Variants in PNPLA7 observed in about 807,000 individuals in gnomAD.
PNPLA7 encodes patatin-like phospholipase domain-containing protein 7.
In PNPLA7, 153 loss-of-function variants were observed where a neutral mutation model predicts 161.7. The observed-to-expected ratio is 0.95, with a 90% confidence interval of 0.83 to 1.08. The LOEUF (loss-of-function observed/expected upper bound fraction) is 1.08, where lower values mean the gene tolerates loss of function less well. Among genes scored for constraint, PNPLA7 ranks in the 50% least tolerant of loss-of-function variants. The pLI is 0.00. For synonymous variants in PNPLA7, 809 were observed against 782.1 expected, an observed-to-expected ratio of 1.03 and a Z score of -0.57; for missense variants, 1,739 against 1,856.6, an observed-to-expected ratio of 0.94 and a Z score of 1.16.
At position 137,479,246 on chromosome 9, in the gene PNPLA7, G is replaced by A. The variant is rs1015767041; in HGVS notation, c.2581-8C>T. The A allele has an allele frequency of 2.0e-6, 3 of 1,522,574 alleles. No homozygotes were observed. Among genetic ancestry groups the A allele is most frequent in the Non-Finnish European group, 2.7e-6 (3 of 1,129,148 alleles). 94.3% of individuals were successfully genotyped at this position (1,522,574 alleles called of 1,614,324 possible). ...CTCCAGCATCCGCTCCAGCTGAAAG[G>A]CAGAGCCCACGTGTCTGCCAGCCGG... On this transcript the variant is annotated splice_region_variant and splice_polypyrimidine_tract_variant and intron_variant, in intron 23 of 34. Transcript: ENST00000406427.
intron 27 of PNPLA7, 69 bp downstream of exon 27, chr9:137,464,271 C>T: frequency 6.2e-7 from 1 of 1,607,880 alleles, no homozygotes; most frequent in Non-Finnish European, 8.5e-7. Context: ...TGACCCAGGG[C>T]CAAGAGGTGG....
At chr9:137,502,685 A>AGGGGGACGCGGGGGACGCGGGGGACGG (rs1554767734) in intron 14 of PNPLA7, among the ~76,000 whole-genome samples, 1 of 440 alleles carries the variant, frequency 2.3e-3, no homozygotes, top group African/African-American at 9.8e-3. Flanking sequence ...TCGGGAGATG[A>AGGGGGACGCGGGGGACGCGGGGGACGG]GGGGGACGGG....
At chr9:137,502,728 C>CGGGGGGGACGGGGGGACGCGGGGGACG (rs1833537501) in intron 14 of PNPLA7, among the ~76,000 whole-genome samples, 1 of 92,272 alleles carries the variant, frequency 1.1e-5, no homozygotes, top group Admixed American at 1.1e-4. Context: ...ACGCGGGGGA[C>CGGGGGGGACGGGGGGACGCGGGGGACG]GGGGGGGACG....
chr9:137,510,475 G>C (rs1834163302), intron 12 of PNPLA7, among the ~76,000 whole-genome samples: 1 of 152,162 alleles, frequency 6.6e-6, no homozygotes, highest in Non-Finnish European at 1.5e-5. Flanking sequence ...CTCCCTCTCT[G>C]CCTCGGCTGC....
intron 18 of PNPLA7, among the ~76,000 whole-genome samples, chr9:137,495,445 CTTTTTT>C (rs149226547): frequency 1.4e-5 from 2 of 147,760 alleles, no homozygotes; most frequent in African/African-American, 4.9e-5. Flanking sequence ...GAGAACACCT[CTTTTTT>C]TTTTTTCTTG....
chr9:137,492,478 C>A (rs1156269185), intron 20 of PNPLA7, among the ~76,000 whole-genome samples: 1 of 98,846 alleles, frequency 1.0e-5, no homozygotes, highest in Admixed American at 1.1e-4. Context: ...CATGGGTGGG[C>A]GGGGCTCCAG....
chr9:137,489,421 C>T (rs1832662753), intron 20 of PNPLA7, among the ~76,000 whole-genome samples: 1 of 152,238 alleles, frequency 6.6e-6, no homozygotes. Flanking sequence ...CTCAAAACAT[C>T]AGGACACAAA....
rs373139069 is a variant in PNPLA7, at chr9:137,500,921, G to T, written c.1552-25C>A. The T allele has an allele frequency of 8.4e-5, 129 of 1,542,856 alleles. No individual in the cohort carries two copies. The highest frequency in any genetic ancestry group is 1.6e-4 in the Admixed American group (8 of 51,190). On this transcript the variant is annotated intron_variant, in intron 15 of 34. Transcript: ENST00000406427. This position sits in a 1 kb window ranked among gnomAD's most constrained non-coding sequence, Gnocchi z 5.5. ...CCTGACACACGAGAGGGCTCAGGAGGCGCCGCGAGTGGCCGCGGGCAGGAC... is the reference window on the plus strand; with the variant it reads ...CCTGACACACGAGAGGGCTCAGGAGTCGCCGCGAGTGGCCGCGGGCAGGAC...
Position 137,464,445 on chromosome 9 carries a change from G to A in PNPLA7, c.3051C>T (p.Ser1017=), listed in dbSNP as rs1831372701. The stretch of plus-strand genomic sequence containing the variant: ...TGAGGTCCAGCGCGGCCTTCATCAA[G>A]GACGTCATGCCCTGGGGCCACATGT... The part of the protein sequence containing the change: ...RAKQWAEGMT[S]LMKAALDLTY... The change falls in exon 27 of 35, where the codon TCC becomes TCT. Residue 1017 remains serine, a synonymous_variant. Coordinates refer to ENST00000406427, the MANE Select transcript of PNPLA7 (RefSeq NM_001098537.3). The A allele has an allele frequency of 6.2e-7, 1 of 1,613,706 alleles. No homozygotes were observed. The highest frequency in any genetic ancestry group is 8.5e-7 in the Non-Finnish European group (1 of 1,179,962).
rs369622448 is a variant in PNPLA7, at chr9:137,515,500, C to T, written c.1104G>A (p.Pro368=). ...TCTTCAGCAGGGGCCCAGCAGCTGC[C>T]GGGCGGCCGCCCCCGTGATCTGCTG... ...SCDSDHGGGR[P]AAAGPLLKRS... Residue 368 remains proline (P), a synonymous_variant, in exon 12 of 35, where the codon CCG becomes CCA. Transcript: ENST00000406427. 72 of 1,560,218 alleles carry T rather than the reference C, an allele frequency of 4.6e-5. No individual in the cohort carries two copies. The highest frequency in any genetic ancestry group is 5.4e-5 in the Non-Finnish European group (63 of 1,156,362).
In PNPLA7 at chr9:137,464,204, G is replaced by A. The variant is rs760115051; in HGVS notation, c.3157-9C>T. 3.4e-5 allele frequency: 55 copies of A among 1,613,538 alleles called. No individual in the cohort carries two copies. The highest frequency in any genetic ancestry group is 2.0e-4 in the East Asian group (9 of 44,888). On this transcript the variant is annotated splice_polypyrimidine_tract_variant and intron_variant, in intron 27 of 34. Transcript: ENST00000406427. The stretch of plus-strand genomic sequence containing the variant: ...TAAGGAATCCACAGGTCCTGCGGGC[G>A]GACGGGGCTCAGATGGGCCCTCTCC...
In PNPLA7 at chr9:137,523,230, G is replaced by A. The variant is rs1289475941; in HGVS notation, c.748-373C>T. On this transcript the variant is annotated intron_variant, in intron 8 of 34. Coordinates refer to ENST00000406427, the MANE Select transcript of PNPLA7 (RefSeq NM_001098537.3). This position sits in a 1 kb window ranked among gnomAD's most constrained non-coding sequence, Gnocchi z 4.4. Reference sequence around the variant, plus strand: ...TCCGACATCAGCGTCGGTACCCCTCGCCAAAGGGCGTGCCAGACACCAACC... The same window carrying A: ...TCCGACATCAGCGTCGGTACCCCTCACCAAAGGGCGTGCCAGACACCAACC... 2.0e-5 allele frequency among the ~76,000 whole-genome samples: 3 copies of A among 152,096 alleles called. No individual in the cohort carries two copies. Among genetic ancestry groups the A allele is most frequent in the East Asian group, 1.9e-4 (1 of 5,190 alleles).
intron 8 of PNPLA7, among the ~76,000 whole-genome samples, chr9:137,535,024 C>T (rs1194439035): frequency 6.6e-6 from 1 of 152,188 alleles, no homozygotes; most frequent in Admixed American, 6.5e-5. Context: ...ACTAGATGGC[C>T]ACATTGAGTA....
chr9:137,467,175 G>T lies in PNPLA7; in HGVS notation c.3039+142C>A. On this transcript the variant is annotated intron_variant, in intron 26 of 34. Coordinates refer to ENST00000406427, the MANE Select transcript of PNPLA7 (RefSeq NM_001098537.3). This position sits in a 1 kb window ranked among gnomAD's most constrained non-coding sequence, Gnocchi z 5.1. ...GTGGTGCTCCTTTGCCTCACAAGCTGCACTGGGAGGCTTCAGGGGGTAGCC... is the reference window on the plus strand; with the variant it reads ...GTGGTGCTCCTTTGCCTCACAAGCTTCACTGGGAGGCTTCAGGGGGTAGCC... 8.5e-7 allele frequency: 1 copy of T among 1,174,786 alleles called. No homozygotes were observed. Among genetic ancestry groups the T allele is most frequent in the Non-Finnish European group, 1.2e-6 (1 of 860,460 alleles). 72.8% of individuals were successfully genotyped at this position (1,174,786 alleles called of 1,614,324 possible). A position where few individuals can be genotyped will look rare whatever the true frequency, so the allele number is the denominator to read the frequency against.
chr9:137,491,367 T>A (rs1188360075), intron 20 of PNPLA7: 1 of 630,844 alleles, frequency 1.6e-6, no homozygotes, highest in African/African-American at 2.0e-5. Flanking sequence ...ATAATTACAC[T>A]AAGTATCTAC....
Position 137,542,227 on chromosome 9 carries a change from G to A in PNPLA7, c.666+415C>T, listed in dbSNP as rs530543195. Among the ~76,000 whole-genome samples, 242 of 152,318 alleles carry A rather than the reference G, an allele frequency of 1.6e-3. 1 individual carries two copies. Among genetic ancestry groups the A allele is most frequent in the African/African-American group, 5.5e-3 (230 of 41,574 alleles). On this transcript the variant is annotated intron_variant, in intron 7 of 34. Transcript: ENST00000406427. ...CTCATGCCTGTAATTCCAGTGCTCTGAGAGGACAAGATGGGAGAATCGCCT... is the reference window on the plus strand; with the variant it reads ...CTCATGCCTGTAATTCCAGTGCTCTAAGAGGACAAGATGGGAGAATCGCCT...
At chr9:137,527,976 T>C (rs1479872231) in intron 8 of PNPLA7, among the ~76,000 whole-genome samples, 2 of 152,220 alleles carry the variant, frequency 1.3e-5, no homozygotes, top group Non-Finnish European at 2.9e-5. Context: ...CTGTGGTAGT[T>C]TGTGCCTTTC....
chr9:137,479,998 C>T (rs371714164), intron 23 of PNPLA7: 35 of 757,902 alleles, frequency 4.6e-5, no homozygotes, highest in Middle Eastern at 6.7e-4. Context: ...TCAGATGACA[C>T]AAAATAGGGC....
chr9:137,502,721 C>CGGGGGACGGGGGGGACGG (rs1564321647), intron 14 of PNPLA7, among the ~76,000 whole-genome samples: 1 of 12,154 alleles, frequency 8.2e-5, no homozygotes, highest in Non-Finnish European at 1.5e-4. Context: ...GCGGGGGACG[C>CGGGGGACGGGGGGGACGG]GGGGGACGGG....
Sources: allele counts gnomAD v4.1 joint callset (sites outside exome capture counted in the v4.1 genomes callset), GRCh38; gene constraint gnomAD v4.1.1; non-coding constraint Gnocchi (gnomAD v3.1); transcripts MANE v1.5; gene names NCBI Gene and HGNC (gene_info 2026-07-23, HGNC 2026-07-21).